KIZ: variants seen among roughly 807,000 people sequenced by gnomAD.
KIZ encodes the protein kizuna centrosomal protein, also known as centrosomal protein kizuna.
In KIZ, 68 loss-of-function variants were observed where a neutral mutation model predicts 79.6. The ratio of observed to expected loss-of-function variants is 0.85; its 90% CI spans 0.70 to 1.05. The LOEUF (loss-of-function observed/expected upper bound fraction) is 1.05. Among genes scored for constraint, KIZ ranks in the 50% least tolerant of loss-of-function variants. The probability of loss-of-function intolerance (pLI) is 0.00; values close to 1 mark genes in which losing one functional copy is unlikely to be tolerated. For missense variants in KIZ, 797 were observed against 800.4 expected, an observed-to-expected ratio of 1.00 and a Z score of 0.05; for synonymous variants, 280 against 281.8, an observed-to-expected ratio of 0.99 and a Z score of 0.06.
intron 4 of KIZ, chr20:21,160,766 C>T (rs1464403060): frequency 6.6e-6 from 1 of 152,078 alleles, no homozygotes; most frequent in East Asian, 1.9e-4. Context: ...GTGATTAAAT[C>T]AAGGGGGCAG....
chr20:21,162,345 GAC>G lies in KIZ; in HGVS notation c.882_883del (p.Asp294GlufsTer16). On this transcript the variant is annotated frameshift_variant, in exon 5 of 13. Transcript: ENST00000619189. LOFTEE classifies it high-confidence loss of function. ...PENRTTDLKC[D>X]SSSGSEGEIL... Reference sequence around the variant, plus strand: ...GAACAGAACCACTGATTTAAAGTGTGACAGTTCCAGCGGATCAGAGGGAGAAA... The same window carrying G: ...GAACAGAACCACTGATTTAAAGTGTGAGTTCCAGCGGATCAGAGGGAGAAA... The G allele has an allele frequency of 1.9e-6, 3 of 1,613,976 alleles. No individual in the cohort carries two copies. Among genetic ancestry groups the G allele is most frequent in the Non-Finnish European group, 2.5e-6 (3 of 1,179,868 alleles).
intron 4 of KIZ, among the ~76,000 whole-genome samples, chr20:21,154,699 A>G (rs2033288822): frequency 6.6e-6 from 1 of 152,218 alleles, no homozygotes; most frequent in African/African-American, 2.4e-5. Context: ...AATTCCTAAT[A>G]TTATTCCTGT....
intron 9 of KIZ, among the ~76,000 whole-genome samples, chr20:21,220,122 ATATT>A (rs1320610479): frequency 2.0e-5 from 3 of 149,644 alleles, no homozygotes; most frequent in African/African-American, 7.3e-5. Context: ...GATACAATAT[ATATT>A]AGTTATATAT....
chr20:21,246,347 A>C, intron 12 of KIZ, 132 bp from the exon 13 acceptor site: 1 of 668,872 alleles, frequency 1.5e-6, no homozygotes, highest in South Asian at 1.7e-5. Flanking sequence ...GGTCAGGTAC[A>C]TCATGTGGTG....
intron 7 of KIZ, among the ~76,000 whole-genome samples, chr20:21,208,139 A>T (rs2035914484): frequency 6.6e-6 from 1 of 152,176 alleles, no homozygotes; most frequent in Admixed American, 6.5e-5. Flanking sequence ...AGGCATTTTA[A>T]GGGTGAAATA....
At chr20:21,150,449 G>A (rs927472742) in intron 4 of KIZ, among the ~76,000 whole-genome samples, 1 of 152,164 alleles carries the variant, frequency 6.6e-6, no homozygotes, top group Non-Finnish European at 1.5e-5. Context: ...CCCTAGACGG[G>A]GGCTCTGAGC....
intron 7 of KIZ, among the ~76,000 whole-genome samples, chr20:21,207,443 T>C: frequency 8.3e-6 from 1 of 120,246 alleles, no homozygotes; most frequent in African/African-American, 3.2e-5. Flanking sequence ...CCTCCTCATC[T>C]TCCTCCTTTC....
chr20:21,208,412 A>T (rs1467547953), intron 7 of KIZ, among the ~76,000 whole-genome samples: 1 of 152,188 alleles, frequency 6.6e-6, no homozygotes, highest in Non-Finnish European at 1.5e-5. Flanking sequence ...TATCCTTAAA[A>T]ATGGAAATAG....
At chr20:21,155,969 A>G (rs1350596006) in intron 4 of KIZ, among the ~76,000 whole-genome samples, 1 of 152,210 alleles carries the variant, frequency 6.6e-6, no homozygotes, top group Non-Finnish European at 1.5e-5. Context: ...AGGACTTTTG[A>G]TGCCAGATTC....
chr20:21,205,255 C>T (rs954605657), intron 6 of KIZ, among the ~76,000 whole-genome samples: 1 of 152,100 alleles, frequency 6.6e-6, no homozygotes, highest in African/African-American at 2.4e-5. Flanking sequence ...GCAGAGCTCC[C>T]CAGGTTGTTC....
At chr20:21,207,452 T>C (rs1188399171) in intron 7 of KIZ, among the ~76,000 whole-genome samples, 3 of 94,032 alleles carry the variant, frequency 3.2e-5, no homozygotes, top group African/African-American at 1.4e-4. Context: ...CTTCCTCCTT[T>C]CCCCCATCTT....
chr20:21,205,835 C>A (rs1322415192), intron 7 of KIZ, among the ~76,000 whole-genome samples: 1 of 151,728 alleles, frequency 6.6e-6, no homozygotes, highest in Non-Finnish European at 1.5e-5. Flanking sequence ...GTGGTGCGCA[C>A]CTGTAGTCCC....
intron 12 of KIZ, chr20:21,245,608 C>T (rs1333192383): frequency 2.0e-5 from 3 of 152,270 alleles, no homozygotes; most frequent in Non-Finnish European, 4.4e-5. Flanking sequence ...TGGTCCGCTC[C>T]ACTACACCTT....
At chr20:21,172,614 T>G (rs746072810) in intron 6 of KIZ, among the ~76,000 whole-genome samples, 173 of 151,892 alleles carry the variant, frequency 1.1e-3, no homozygotes, top group Non-Finnish European at 2.2e-3. Flanking sequence ...AAAAAAGTAT[T>G]ATGATGAAGA....
intron 4 of KIZ, among the ~76,000 whole-genome samples, chr20:21,156,490 G>T (rs751146145): frequency 4.6e-5 from 7 of 152,126 alleles, no homozygotes; most frequent in Non-Finnish European, 7.4e-5. Flanking sequence ...GGTGATGCTG[G>T]TGTCAACAAA....
chr20:21,163,763 A>G (rs919719969), intron 6 of KIZ, among the ~76,000 whole-genome samples: 13 of 152,226 alleles, frequency 8.5e-5, no homozygotes, highest in African/African-American at 2.9e-4. Flanking sequence ...GAGAACTTAT[A>G]TTATCCGACT....
At chr20:21,156,141 T>TA (rs1270851864) in intron 4 of KIZ, among the ~76,000 whole-genome samples, 1 of 152,206 alleles carries the variant, frequency 6.6e-6, no homozygotes, top group Non-Finnish European at 1.5e-5. Flanking sequence ...GTACAAAGTG[T>TA]TCCCTTGGAT....
At chr20:21,184,393 C>A (rs577642654) in intron 6 of KIZ, among the ~76,000 whole-genome samples, 2 of 152,136 alleles carry the variant, frequency 1.3e-5, no homozygotes, top group Non-Finnish European at 2.9e-5. Flanking sequence ...TCAGGCGATC[C>A]ACCTGCTCGG....
chr20:21,218,398 C>A (rs888840577), intron 9 of KIZ: 14 of 152,072 alleles, frequency 9.2e-5, no homozygotes, highest in African/African-American at 3.4e-4. Flanking sequence ...TGTGCTGCCC[C>A]ACAAGTATTG....
Sources: allele counts gnomAD v4.1 joint callset (sites outside exome capture counted in the v4.1 genomes callset), GRCh38; gene constraint gnomAD v4.1.1; transcripts MANE v1.5; gene names NCBI Gene and HGNC (gene_info 2026-07-23, HGNC 2026-07-21).